BCHE: variants seen among roughly 807,000 people sequenced by gnomAD.
The protein encoded by BCHE is butyrylcholinesterase.
In BCHE, 48 loss-of-function variants were observed where a neutral mutation model predicts 51.3. The observed-to-expected ratio is 0.94, with a 90% CI of 0.74 to 1.19. The LOEUF (loss-of-function observed/expected upper bound fraction) is 1.19. Among genes scored for constraint, BCHE ranks in the 50% most tolerant of loss-of-function variants. The probability of loss-of-function intolerance (pLI) is 0.00; values close to 1 mark genes in which losing one functional copy is unlikely to be tolerated. For synonymous variants in BCHE, 251 were observed against 238.0 expected (o/e 1.05, Z -0.50); for missense variants, 847 against 708.2 (o/e 1.20, Z -2.23).
chr3:165,774,455 T>G (rs941475328), intron 3 of BCHE, among the ~76,000 whole-genome samples: 3 of 152,052 alleles, frequency 2.0e-5, no homozygotes, highest in African/African-American at 7.2e-5. Context: ...CTCCTCAGAC[T>G]CCCGAGTAGC....
In BCHE at chr3:165,830,841, G is replaced by A. The variant is rs148170012; in HGVS notation, c.193C>T (p.Pro65Ser). The change falls in exon 2 of 4, where the codon CCT (proline) becomes TCT (serine). Residue 65 changes from proline to serine, a missense_variant. Coordinates refer to ENST00000264381, the MANE Select transcript of BCHE (RefSeq NM_000055.4). ...AFLGIPYAQP[P>S]LGRLRFKKPQ... ...TTTTTGAATCGAAGTCTACCAAGAG[G>A]TGGCTGTGCATAGGGAATTCCAAGA... is the stretch of plus-strand genomic sequence containing the variant. The A allele has an allele frequency of 3.1e-6, 5 of 1,613,858 alleles. No individual in the cohort carries two copies. The African/African-American group carries it at 4.0e-5, about 13-fold the overall frequency.
chr3:165,830,853 A>G lies in BCHE; in HGVS notation c.181T>C (p.Tyr61His). Residue 61 changes from tyrosine (Y) to histidine (H), a missense_variant, in exon 2 of 4, where the codon TAT (tyrosine) becomes CAT (histidine). By Grantham distance (83) the Tyr-to-His change is moderately conservative (BLOSUM62 2). Transcript: ENST00000264381. ...GTVTAFLGIPYAQPPLGRLRF... is the reference protein window; with the variant it reads ...GTVTAFLGIPHAQPPLGRLRF... ...AGTCTACCAAGAGGTGGCTGTGCAT[A>G]GGGAATTCCAAGAAAGGCTGTTACC... The G allele has an allele frequency of 6.2e-7, 1 of 1,613,976 alleles. No homozygotes were observed. The highest frequency in any genetic ancestry group is 8.5e-7 in the Non-Finnish European group (1 of 1,179,914).
intron 2 of BCHE, among the ~76,000 whole-genome samples, chr3:165,816,045 T>G (rs530580277): frequency 6.6e-6 from 1 of 152,130 alleles, no homozygotes; most frequent in South Asian, 2.1e-4. Context: ...AGTAATTCTC[T>G]TAAAATTTAG....
At chr3:165,826,346 A>C (rs1714721416) in intron 2 of BCHE, among the ~76,000 whole-genome samples, 1 of 152,164 alleles carries the variant, frequency 6.6e-6, no homozygotes, top group African/African-American at 2.4e-5. Flanking sequence ...CATACAACAC[A>C]GATGAATTGC....
intron 2 of BCHE, among the ~76,000 whole-genome samples, chr3:165,803,006 T>C (rs1713727446): frequency 6.6e-6 from 1 of 152,164 alleles, no homozygotes; most frequent in Non-Finnish European, 1.5e-5. Context: ...CCCAAAGTGC[T>C]GGGATTACAG....
At chr3:165,817,258 A>T (rs1383188498) in intron 2 of BCHE, among the ~76,000 whole-genome samples, 1 of 151,830 alleles carries the variant, frequency 6.6e-6, no homozygotes, top group African/African-American at 2.4e-5. Flanking sequence ...TCCCACTTTT[A>T]CCTAATCTAT....
chr3:165,796,872 CAA>C (rs1713399206), intron 2 of BCHE, among the ~76,000 whole-genome samples: 1 of 152,072 alleles, frequency 6.6e-6, no homozygotes, highest in African/African-American at 2.4e-5. Context: ...AGTTACCACA[CAA>C]AAGATCTCTA....
At chr3:165,826,523 C>G (rs372488191) in intron 2 of BCHE, among the ~76,000 whole-genome samples, 1 of 151,764 alleles carries the variant, frequency 6.6e-6, no homozygotes, top group Non-Finnish European at 1.5e-5. Context: ...TGGGGGGGGA[C>G]TTTATTCTGA....
chr3:165,832,485 T>G (rs1003316076), intron 1 of BCHE, among the ~76,000 whole-genome samples: 4 of 151,876 alleles, frequency 2.6e-5, no homozygotes, highest in African/African-American at 9.7e-5. Context: ...AGAGATGGGG[T>G]TTTACCATGT....
intron 2 of BCHE, among the ~76,000 whole-genome samples, chr3:165,789,050 A>C (rs1321113514): frequency 1.3e-5 from 2 of 152,202 alleles, no homozygotes; most frequent in Non-Finnish European, 2.9e-5. Flanking sequence ...TTTTTATTTC[A>C]AAATTATAAC....
chr3:165,824,094 G>T (rs996978590), intron 2 of BCHE, among the ~76,000 whole-genome samples: 2 of 151,686 alleles, frequency 1.3e-5, no homozygotes, highest in Non-Finnish European at 2.9e-5. Context: ...ATTCTTACAT[G>T]AAAGCTTTAC....
intron 2 of BCHE, among the ~76,000 whole-genome samples, chr3:165,800,436 A>C (rs191526977): frequency 9.2e-5 from 14 of 152,234 alleles, no homozygotes; most frequent in Admixed American, 9.2e-4. Context: ...TCAAAGAGAA[A>C]TATGTCTTTA....
At chr3:165,773,632 CTTTATTA>C in intron 3 of BCHE, 126 bp from the exon 4 acceptor site, 2 of 729,360 alleles carry the variant, frequency 2.7e-6, no homozygotes, top group Non-Finnish European at 4.2e-6. Flanking sequence ...TTTATTTATT[CTTTATTA>C]TTTGTTATTA....
chr3:165,836,106 T>A (rs7611767), intron 1 of BCHE, among the ~76,000 whole-genome samples: 120,042 of 151,818 alleles, frequency 0.79, 47,675 homozygotes, highest in Admixed American at 0.84. Flanking sequence ...AAACATATTT[T>A]TACAATTAAA....
At chr3:165,788,076 AATAG>A (rs1360762309) in intron 2 of BCHE, among the ~76,000 whole-genome samples, 2 of 150,818 alleles carry the variant, frequency 1.3e-5, no homozygotes, top group Non-Finnish European at 3.0e-5. Flanking sequence ...GTATATTATT[AATAG>A]ATAGAAATTT....
At chr3:165,797,218 TTCCC>T (rs1560009468) in intron 2 of BCHE, among the ~76,000 whole-genome samples, 34 of 3,042 alleles carry the variant, frequency 0.011, 3 homozygotes, top group Non-Finnish European at 0.016. Flanking sequence ...CCTTCCCTCC[TTCCC>T]TCCTTCTTTC....
chr3:165,807,453 G>A lies in BCHE; in HGVS notation c.1518-21142C>T, dbSNP rs954871903. 7.3e-5 allele frequency among the ~76,000 whole-genome samples: 11 copies of A among 151,632 alleles called. No homozygotes were observed. In the South Asian group the frequency reaches 1.7e-3, roughly 23 times the overall value. ...TTTCAACAACCAGTTACCATCAGCG[G>A]CATAGTACACTCAGATATTTATTTA... On this transcript the variant is annotated intron_variant, in intron 2 of 3. Coordinates refer to ENST00000264381, the MANE Select transcript of BCHE (RefSeq NM_000055.4).
Position 165,773,132 on chromosome 3 carries a change from C to G in BCHE, c.*250G>C, listed in dbSNP as rs1712319676. On this transcript the variant is annotated 3_prime_UTR_variant, in exon 4 of 4. Coordinates refer to ENST00000264381, the MANE Select transcript of BCHE (RefSeq NM_000055.4). ...AGGAAAGAAAGAAATTGAACCAGGC[C>G]ATTGTTTTAATATGCACATAATTAA... 2 of 306,780 alleles carry G rather than the reference C, an allele frequency of 6.5e-6. No individual in the cohort carries two copies. The highest frequency in any genetic ancestry group is 1.2e-5 in the Non-Finnish European group (2 of 168,826). The allele number at this position is 306,780 out of a possible 1,614,324, so 19.0% of individuals were successfully genotyped here.
chr3:165,816,954 C>T (rs1714335769), intron 2 of BCHE, among the ~76,000 whole-genome samples: 1 of 151,904 alleles, frequency 6.6e-6, no homozygotes, highest in African/African-American at 2.4e-5. Context: ...GATGTCTTGG[C>T]ACAATAAAAA....
Sources: allele counts gnomAD v4.1 joint callset (sites outside exome capture counted in the v4.1 genomes callset), GRCh38; gene constraint gnomAD v4.1.1; transcripts MANE v1.5; gene names NCBI Gene and HGNC (gene_info 2026-07-23, HGNC 2026-07-21).